ATP11C: variants seen among roughly 807,000 people sequenced by gnomAD.
The protein encoded by ATP11C is phospholipid-transporting ATPase IG.
Under a neutral mutation model 97.4 loss-of-function variants are expected in ATP11C, and 36 were observed. The observed-to-expected ratio is 0.37, with a 90% CI of 0.28 to 0.49. ATP11C has a LOEUF of 0.49. Among genes scored for constraint, ATP11C ranks in the 20% least tolerant of loss-of-function variants. ATP11C has a pLI of 0.98. For missense variants in ATP11C, 730 were observed against 824.6 expected, an observed-to-expected ratio of 0.89 and a Z score of 1.40; for synonymous variants, 275 against 290.9, an observed-to-expected ratio of 0.95 and a Z score of 0.56.
chrX:139,831,756 T>C (rs1319032617), intron 1 of ATP11C, among the ~76,000 whole-genome samples: 1 of 111,877 alleles, frequency 8.9e-6, no homozygotes, highest in African/African-American at 3.3e-5. Flanking sequence ...CTTCCATTTA[T>C]AGGAAGTAAC....
At chrX:139,742,900 TATATATATATATAA>T (rs1171680782) in intron 26 of ATP11C, among the ~76,000 whole-genome samples, 42 of 38,746 alleles carry the variant, frequency 1.1e-3, no homozygotes, top group South Asian at 2.9e-3. Flanking sequence ...TATATATATA[TATATATATATATAA>T]AAATAGAGAC....
chrX:139,880,182 G>A (rs944688363), intron 1 of ATP11C, among the ~76,000 whole-genome samples: 15 of 111,373 alleles, frequency 1.3e-4, no homozygotes, highest in African/African-American at 4.9e-4. Flanking sequence ...ATGAGGGCCA[G>A]GCCCAGAGCA....
chrX:139,900,287 T>C (rs1184316501), intron 1 of ATP11C, among the ~76,000 whole-genome samples: 1 of 104,845 alleles, frequency 9.5e-6, no homozygotes, highest in Non-Finnish European at 1.9e-5. Context: ...GAGAATCACC[T>C]GATCCCGGGA....
intron 25 of ATP11C, among the ~76,000 whole-genome samples, chrX:139,744,723 C>G (rs769772329): frequency 1.8e-5 from 2 of 112,021 alleles, no homozygotes; most frequent in Non-Finnish European, 3.8e-5. Flanking sequence ...CAAGTACTCA[C>G]AGGATTTAGC....
Position 139,785,237 on chromosome X carries a change from T to C in ATP11C, c.1655A>G (p.Lys552Arg). ...AVRRRMSVIV[K>R]TQEGDILLFC... ...TTTCAGACATGTACCTTCTTGAGTC[T>C]TCACAATTACACTCATACGTCGCCG... is the stretch of plus-strand genomic sequence containing the variant. Residue 552 changes from lysine to arginine, a missense_variant, in exon 16 of 30, where the codon AAG becomes AGG. By Grantham distance (26) the Lys-to-Arg change is conservative. Transcript: ENST00000682941. 8.3e-7 allele frequency: 1 copy of C among 1,205,864 alleles called. No individual in the cohort carries two copies.
chrX:139,863,857 C>A (rs1399154842), intron 1 of ATP11C, among the ~76,000 whole-genome samples: 2 of 111,053 alleles, frequency 1.8e-5, no homozygotes, highest in African/African-American at 6.6e-5. Flanking sequence ...AGCCTGGGAG[C>A]TTGAGACCAG....
At chrX:139,789,793 G>C (rs2082650331) in intron 12 of ATP11C, among the ~76,000 whole-genome samples, 1 of 111,441 alleles carries the variant, frequency 9.0e-6, no homozygotes. Flanking sequence ...ACTTTGGGAG[G>C]CTGAGGCAGG....
At chrX:139,757,770 T>A in intron 23 of ATP11C, 38 bp downstream of exon 23, 2 of 1,009,489 alleles carry the variant, frequency 2.0e-6, no homozygotes, top group Non-Finnish European at 2.7e-6. Context: ...TAACAGCAAA[T>A]GTAAACTATA....
At chrX:139,776,024 G>T (rs904761401) in intron 18 of ATP11C, among the ~76,000 whole-genome samples, 8 of 112,439 alleles carry the variant, frequency 7.1e-5, no homozygotes, top group African/African-American at 2.6e-4. Flanking sequence ...CCCCTAAGGG[G>T]GAGGTAAGCA....
intron 1 of ATP11C, among the ~76,000 whole-genome samples, chrX:139,909,187 A>G (rs1347342505): frequency 9.0e-6 from 1 of 111,120 alleles, no homozygotes; most frequent in Non-Finnish European, 1.9e-5. Flanking sequence ...GCTGGAGTGC[A>G]GTGGCGCGAT....
At chrX:139,866,421 T>C (rs1401898143) in intron 1 of ATP11C, among the ~76,000 whole-genome samples, 1 of 96,940 alleles carries the variant, frequency 1.0e-5, no homozygotes, top group Non-Finnish European at 2.1e-5. Flanking sequence ...ATCACACAGA[T>C]AAAAAGCTTC....
upstream of ATP11C, among the ~76,000 whole-genome samples, chrX:139,933,290 G>A (rs1455470848): frequency 1.1e-5 from 1 of 88,144 alleles, no homozygotes; most frequent in African/African-American, 4.3e-5. Context: ...CACGCCGGCC[G>A]GCTGGGTGTG....
intron 2 of ATP11C, 42 bp from the exon 3 acceptor site, chrX:139,819,469 C>T (rs2083356301): frequency 1.6e-6 from 1 of 622,934 alleles, no homozygotes; most frequent in Non-Finnish European, 2.4e-6. Context: ...ATGAAGAAAA[C>T]TTGAAAAATC....
chrX:139,810,312 G>T (rs774257067), intron 5 of ATP11C, among the ~76,000 whole-genome samples: 1 of 110,903 alleles, frequency 9.0e-6, no homozygotes, highest in East Asian at 2.9e-4. Context: ...AAAATTAGTC[G>T]GGCATGGTGG....
intron 12 of ATP11C, among the ~76,000 whole-genome samples, chrX:139,794,214 C>T (rs7885696): frequency 0.19 from 21,583 of 111,653 alleles, 3,528 homozygotes; most frequent in African/African-American, 0.54. Flanking sequence ...TCTTTCTATT[C>T]TTAATCCCAG....
intron 1 of ATP11C, among the ~76,000 whole-genome samples, chrX:139,860,586 G>C (rs997489874): frequency 1.8e-5 from 2 of 111,839 alleles, no homozygotes; most frequent in Non-Finnish European, 3.8e-5. Context: ...GGGAGGCTGA[G>C]GGAGGTGGAT....
At chrX:139,770,660 G>A (rs980953459) in intron 19 of ATP11C, among the ~76,000 whole-genome samples, 1 of 111,093 alleles carries the variant, frequency 9.0e-6, no homozygotes, top group Non-Finnish European at 1.9e-5. Context: ...AGGGGAAAGG[G>A]CAAAGGAGCA....
At chrX:139,824,473 A>C (rs1430518835) in intron 2 of ATP11C, among the ~76,000 whole-genome samples, 1 of 111,955 alleles carries the variant, frequency 8.9e-6, no homozygotes, top group Non-Finnish European at 1.9e-5. Flanking sequence ...AGGCCAAGGC[A>C]GGCGGATCAC....
chrX:139,749,184 T>C (rs755284767), intron 24 of ATP11C, among the ~76,000 whole-genome samples: 27 of 111,957 alleles, frequency 2.4e-4, no homozygotes, highest in African/African-American at 8.4e-4. Flanking sequence ...TCTACTTTTA[T>C]GTATGTCTGA....
Sources: allele counts gnomAD v4.1 joint callset (sites outside exome capture counted in the v4.1 genomes callset), GRCh38; gene constraint gnomAD v4.1.1; transcripts MANE v1.5; gene names NCBI Gene and HGNC (gene_info 2026-07-23, HGNC 2026-07-21).